Variants in RBPJ observed in about 807,000 individuals in gnomAD.
RBPJ encodes recombination signal binding protein for immunoglobulin kappa J region.
A neutral mutation model predicts 67.8 loss-of-function variants in RBPJ; 9 were observed. The observed-to-expected ratio is 0.13, with a 90% CI of 0.08 to 0.23. RBPJ has a LOEUF of 0.23. RBPJ is among the 10% of genes least tolerant of loss of function. RBPJ has a pLI of 1.00. For synonymous variants in RBPJ, 198 were observed against 203.3 expected, an observed-to-expected ratio of 0.97 and a Z score of 0.22; for missense variants, 305 against 595.6, an observed-to-expected ratio of 0.51 and a Z score of 5.08.
chr4:26,313,077 C>G (rs1722489437), intron 1 of RBPJ, among the ~76,000 whole-genome samples: 1 of 152,178 alleles, frequency 6.6e-6, no homozygotes, highest in South Asian at 2.1e-4. Flanking sequence ...CATATGCCAC[C>G]ATGCCCAGCT....
At chr4:26,303,010 G>A (rs533728332) in intron 1 of RBPJ, among the ~76,000 whole-genome samples, 131 of 151,604 alleles carry the variant, frequency 8.6e-4, no homozygotes, top group African/African-American at 2.8e-3. Context: ...GTCATACCCC[G>A]TCTCTACTAA....
intron 1 of RBPJ, among the ~76,000 whole-genome samples, chr4:26,329,670 G>A (rs185355957): frequency 0.012 from 1,764 of 152,168 alleles, 15 homozygotes; most frequent in Non-Finnish European, 0.019. Context: ...CGAGGCGGGC[G>A]GATCACGAGG....
intron 1 of RBPJ, among the ~76,000 whole-genome samples, chr4:26,324,889 G>A (rs1723459041): frequency 6.6e-6 from 1 of 152,210 alleles, no homozygotes; most frequent in Non-Finnish European, 1.5e-5. Context: ...TCTAAGCCAA[G>A]TCTGTTAATA....
chr4:26,267,227 C>T lies in RBPJ; in HGVS notation c.-166-95219C>T, dbSNP rs191781832. Reference sequence around the variant, plus strand: ...AAGTCATATTTCCTTGTGTGTGCTCCAGAGTCTTAGAGTCTGGAGGGGGTG... The same window carrying T: ...AAGTCATATTTCCTTGTGTGTGCTCTAGAGTCTTAGAGTCTGGAGGGGGTG... On this transcript the variant is annotated intron_variant, in intron 1 of 4. Coordinates refer to the RBPJ transcript ENST00000512351. Among the ~76,000 whole-genome samples the T allele has an allele frequency of 2.0e-5, 3 of 152,086 alleles. No individual in the cohort carries two copies. In the East Asian group the frequency reaches 5.8e-4, roughly 29 times the overall value.
In RBPJ at chr4:26,386,144, A is replaced by G. The variant is rs1730893054; in HGVS notation, c.21-209A>G. 1.3e-5 allele frequency among the ~76,000 whole-genome samples: 2 copies of G among 152,108 alleles called. 1 individual carries two copies. The highest frequency in any genetic ancestry group is 3.8e-4 in the East Asian group (2 of 5,196). On this transcript the variant is annotated intron_variant, in intron 1 of 10. Transcript: ENST00000355476. ...GTTACTTGTTCAGAGTGCATTTGTA[A>G]GGCTTACTTAGGGCATGTTGTTTGC... is the stretch of plus-strand genomic sequence containing the variant.
At chr4:26,244,310 T>TGTGC (rs201779522) in intron 1 of RBPJ, among the ~76,000 whole-genome samples, 1 of 113,976 alleles carries the variant, frequency 8.8e-6, no homozygotes, top group African/African-American at 3.4e-5. Flanking sequence ...TGTACACATA[T>TGTGC]GTGTGTATAT....
Position 26,199,601 on chromosome 4 carries a change from T to A in RBPJ, c.-167+35987T>A, listed in dbSNP as rs181730617. Reference sequence around the variant, plus strand: ...GGCTGGGGAGGGGAGAGGAAGAAAATCCCTGGAAATGAGCTTTACCGTTCA... The same window carrying A: ...GGCTGGGGAGGGGAGAGGAAGAAAAACCCTGGAAATGAGCTTTACCGTTCA... On this transcript the variant is annotated intron_variant, in intron 1 of 4. Coordinates refer to the RBPJ transcript ENST00000512351. Among the ~76,000 whole-genome samples, 137 of 151,924 alleles carry A rather than the reference T, an allele frequency of 9.0e-4. 2 individuals are homozygous for A. The East Asian group carries it at 0.024, about 26-fold the overall frequency.
chr4:26,288,277 T>C (rs961598820), intron 1 of RBPJ, among the ~76,000 whole-genome samples: 2 of 152,188 alleles, frequency 1.3e-5, no homozygotes, highest in African/African-American at 4.8e-5. Flanking sequence ...AGTCAAGAAG[T>C]TGGCTGGACA....
At chr4:26,278,889 T>G (rs953007101) in intron 1 of RBPJ, among the ~76,000 whole-genome samples, 2 of 152,192 alleles carry the variant, frequency 1.3e-5, no homozygotes, top group Non-Finnish European at 2.9e-5. Context: ...TCAGGAAGTT[T>G]GGCTATGGGA....
At chr4:26,330,480 T>G (rs1298642693) in intron 1 of RBPJ, among the ~76,000 whole-genome samples, 1 of 152,244 alleles carries the variant, frequency 6.6e-6, no homozygotes, top group African/African-American at 2.4e-5. Flanking sequence ...TTATATTCAC[T>G]TTTTTGCCTT....
chr4:26,322,965 A>C (rs1330418974), intron 1 of RBPJ: 1 of 151,372 alleles, frequency 6.6e-6, no homozygotes, highest in Non-Finnish European at 1.5e-5. Flanking sequence ...GTTACCCATA[A>C]AATCATTTGG....
At chr4:26,411,952 A>G (rs987068629) in intron 3 of RBPJ, among the ~76,000 whole-genome samples, 4 of 140,198 alleles carry the variant, frequency 2.9e-5, no homozygotes, top group African/African-American at 1.0e-4. Flanking sequence ...CTAAAAATAC[A>G]AAAAAAAAAA....
chr4:26,211,722 A>G (rs532208134), intron 1 of RBPJ, among the ~76,000 whole-genome samples: 15 of 152,290 alleles, frequency 9.8e-5, no homozygotes, highest in Middle Eastern at 6.8e-3. Context: ...TCAAATAATT[A>G]TACCCTACCT....
At chr4:26,268,114 A>C (rs1720763261) in intron 1 of RBPJ, among the ~76,000 whole-genome samples, 2 of 151,968 alleles carry the variant, frequency 1.3e-5, no homozygotes, top group South Asian at 4.2e-4. Flanking sequence ...AGGATCTGTA[A>C]GTTGTTTTGA....
At chr4:26,138,793 A>G in the RBPJ span, among the ~76,000 whole-genome samples, 1 of 152,236 alleles carries the variant, frequency 6.6e-6, no homozygotes, top group Non-Finnish European at 1.5e-5. Flanking sequence ...CCAAAGAACA[A>G]GAAGGAATGA....
intron 1 of RBPJ, among the ~76,000 whole-genome samples, chr4:26,188,798 T>C (rs1717369256): frequency 1.3e-5 from 2 of 152,204 alleles, no homozygotes; most frequent in African/African-American, 4.8e-5. Flanking sequence ...TAAAAACCAC[T>C]GAGGAATAAA....
At chr4:26,319,307 C>T, upstream of RBPJ, among the ~76,000 whole-genome samples, 1 of 152,204 alleles carries the variant, frequency 6.6e-6, no homozygotes, top group East Asian at 1.9e-4. Flanking sequence ...TCCTGGCTTC[C>T]CCTTCCTCCG....
chr4:26,271,357 G>T (rs1477109475), intron 1 of RBPJ, among the ~76,000 whole-genome samples: 16 of 152,182 alleles, frequency 1.1e-4, no homozygotes. Context: ...TCAAAACCTG[G>T]TGGATCTAGA....
chr4:26,321,534 C>G (rs1723067316), intron 1 of RBPJ: 1 of 152,786 alleles, frequency 6.5e-6, no homozygotes, highest in Non-Finnish European at 1.5e-5. Context: ...TCCCGCATCC[C>G]CTCTCCATCT....
Sources: gnomAD v4.1 joint callset for allele counts (sites outside exome capture counted in the v4.1 genomes callset) on GRCh38, gnomAD v4.1.1 for gene constraint, MANE v1.5 for transcripts, NCBI Gene and HGNC (gene_info 2026-07-23, HGNC 2026-07-21) for gene names.